Variants in AKAP6 observed in about 807,000 individuals in gnomAD.
The protein encoded by AKAP6 is A-kinase anchoring protein 6.
In AKAP6, 58 loss-of-function variants were observed where a neutral mutation model predicts 188.5. The observed-to-expected ratio is 0.31, with a 90% confidence interval of 0.25 to 0.38. The LOEUF (loss-of-function observed/expected upper bound fraction) is 0.38. AKAP6 is among the 10% of genes least tolerant of loss of function. The pLI, the probability that AKAP6 is intolerant of heterozygous loss-of-function variation, is 1.00. For missense variants in AKAP6, 2,710 were observed against 2,740.0 expected (o/e 0.99, Z 0.24); for synonymous variants, 989 against 998.6 (o/e 0.99, Z 0.18).
chr14:32,629,159 C>T (rs1887148311), intron 7 of AKAP6, among the ~76,000 whole-genome samples: 1 of 151,972 alleles, frequency 6.6e-6, no homozygotes, highest in Non-Finnish European at 1.5e-5. Flanking sequence ...TCGTCCATAC[C>T]TAAAACCCTT....
At chr14:32,525,112 T>C (rs1370609144) in intron 2 of AKAP6, among the ~76,000 whole-genome samples, 2 of 152,222 alleles carry the variant, frequency 1.3e-5, no homozygotes, top group Non-Finnish European at 2.9e-5. Flanking sequence ...CCATGATTTT[T>C]TTAGTGAATG....
intron 7 of AKAP6, among the ~76,000 whole-genome samples, chr14:32,632,726 A>C (rs1047373791): frequency 1.3e-5 from 2 of 152,084 alleles, no homozygotes; most frequent in Non-Finnish European, 2.9e-5. Flanking sequence ...AGAGACTGGG[A>C]CAGGAAAAAC....
intron 4 of AKAP6, among the ~76,000 whole-genome samples, chr14:32,574,466 G>T (rs1884634879): frequency 6.6e-6 from 1 of 152,154 alleles, no homozygotes; most frequent in Non-Finnish European, 1.5e-5. Context: ...TAGGAAACCT[G>T]ACACATTGTT....
chr14:32,661,197 T>C (rs1160817598), intron 7 of AKAP6, among the ~76,000 whole-genome samples: 3 of 151,986 alleles, frequency 2.0e-5, no homozygotes, highest in Middle Eastern at 3.2e-3. Context: ...GTGCTGCAAC[T>C]CCAGCCCTAA....
intron 2 of AKAP6, among the ~76,000 whole-genome samples, chr14:32,517,711 T>C (rs1881595786): frequency 1.3e-5 from 2 of 152,222 alleles, no homozygotes; most frequent in Non-Finnish European, 2.9e-5. Context: ...TCGAACTGGG[T>C]GGAGCCCACT....
intron 7 of AKAP6, among the ~76,000 whole-genome samples, chr14:32,656,262 G>C (rs1888450115): frequency 6.6e-6 from 1 of 151,950 alleles, no homozygotes; most frequent in South Asian, 2.1e-4. Flanking sequence ...ATCAAATTTA[G>C]TTAATTATCA....
At chr14:32,410,361 T>G (rs975570018) in intron 1 of AKAP6, among the ~76,000 whole-genome samples, 1 of 152,186 alleles carries the variant, frequency 6.6e-6, no homozygotes, top group African/African-American at 2.4e-5. Context: ...CTTAACCCAT[T>G]GTCAACCAGA....
At chr14:32,666,260 T>C (rs1888929721) in intron 7 of AKAP6, among the ~76,000 whole-genome samples, 1 of 152,126 alleles carries the variant, frequency 6.6e-6, no homozygotes, top group Non-Finnish European at 1.5e-5. Context: ...ATGTTTGTCA[T>C]TTATCAGTGG....
At chr14:32,615,590 A>ATTTTTTTT (rs1471881281) in intron 7 of AKAP6, among the ~76,000 whole-genome samples, 1 of 133,032 alleles carries the variant, frequency 7.5e-6, no homozygotes, top group African/African-American at 3.4e-5. Flanking sequence ...CTAAACCATT[A>ATTTTTTTT]CTTTTTTTTT....
intron 2 of AKAP6, among the ~76,000 whole-genome samples, chr14:32,509,475 T>C (rs1468660439): frequency 6.6e-6 from 1 of 152,198 alleles, no homozygotes; most frequent in Non-Finnish European, 1.5e-5. Flanking sequence ...TATTAGTTTT[T>C]TGTCTTATCT....
chr14:32,330,132 C>T (rs946741343), intron 1 of AKAP6, among the ~76,000 whole-genome samples: 5 of 152,034 alleles, frequency 3.3e-5, no homozygotes, highest in Non-Finnish European at 7.4e-5. Context: ...AGGAACAAGT[C>T]TCCTCTCTGC....
intron 7 of AKAP6, among the ~76,000 whole-genome samples, chr14:32,614,722 T>C (rs4981993): frequency 0.57 from 86,925 of 151,836 alleles, 25,645 homozygotes; most frequent in East Asian, 0.94. Context: ...GTGGTCCAGG[T>C]GAAGTGGACC....
intron 1 of AKAP6, among the ~76,000 whole-genome samples, chr14:32,369,642 G>A (rs1011192037): frequency 1.7e-4 from 26 of 152,168 alleles, no homozygotes; most frequent in Non-Finnish European, 3.1e-4. Context: ...TCCTCAACAG[G>A]TGAGGGAGAA....
intron 5 of AKAP6, among the ~76,000 whole-genome samples, chr14:32,588,129 A>C (rs1482678177): frequency 6.6e-6 from 1 of 152,238 alleles, no homozygotes; most frequent in African/African-American, 2.4e-5. Flanking sequence ...AAATAGTTCT[A>C]TACATTTTTG....
In AKAP6 at chr14:32,832,633, C is replaced by T. The variant is rs2034833181; in HGVS notation, c.*2828C>T. 2 of 152,204 alleles carry T rather than the reference C, an allele frequency of 1.3e-5. No homozygotes were observed. Among genetic ancestry groups the T allele is most frequent in the African/African-American group, 4.8e-5 (2 of 41,454 alleles). The allele number at this position is 152,204 out of a possible 1,614,324, so 9.4% of individuals were successfully genotyped here. ...TCACACCAACTCTGCCTACACACTT[C>T]CAGTGATAGTGGCTCATTGTCTGTT... is the stretch of plus-strand genomic sequence containing the variant. On this transcript the variant is annotated 3_prime_UTR_variant, in exon 14 of 14. Coordinates refer to ENST00000280979, the MANE Select transcript of AKAP6 (RefSeq NM_004274.5).
intron 1 of AKAP6, among the ~76,000 whole-genome samples, chr14:32,425,308 G>T (rs957705043): frequency 6.6e-6 from 1 of 152,084 alleles, no homozygotes; most frequent in African/African-American, 2.4e-5. Flanking sequence ...AAAAGTGTCT[G>T]TTCATTGGCT....
intron 1 of AKAP6, among the ~76,000 whole-genome samples, chr14:32,391,367 A>C (rs1216760284): frequency 1.3e-5 from 2 of 152,124 alleles, no homozygotes; most frequent in Non-Finnish European, 2.9e-5. Flanking sequence ...TTTATTACCA[A>C]CTGGGAAATC....
intron 12 of AKAP6, among the ~76,000 whole-genome samples, chr14:32,786,296 A>ATGTTTTTTTTTTTTTTGT: frequency 1.1e-5 from 1 of 93,706 alleles, no homozygotes; most frequent in African/African-American, 4.1e-5. Context: ...CTAAACCTTT[A>ATGTTTTTTTTTTTTTTGT]TCTTTTTTTT....
chr14:32,822,492 C>T lies in AKAP6; in HGVS notation c.4679C>T (p.Ser1560Phe). ...GGCATGCAGAATGCCAAACAGCTCTCCCTTTTATCTCATAGTTCATCTATT... is the reference window on the plus strand; with the variant it reads ...GGCATGCAGAATGCCAAACAGCTCTTCCTTTTATCTCATAGTTCATCTATT... The part of the protein sequence containing the change: ...FTGMQNAKQL[S>F]LLSHSSSIES... Residue 1560 changes from serine to phenylalanine, a missense_variant, in exon 13 of 14, where the codon TCC becomes TTC. Coordinates refer to ENST00000280979, the MANE Select transcript of AKAP6 (RefSeq NM_004274.5). The T allele has an allele frequency of 6.2e-7, 1 of 1,614,044 alleles. No homozygotes were observed. Among genetic ancestry groups the T allele is most frequent in the Non-Finnish European group, 8.5e-7 (1 of 1,179,958 alleles).
Sources: allele counts gnomAD v4.1 joint callset (sites outside exome capture counted in the v4.1 genomes callset), GRCh38; gene constraint gnomAD v4.1.1; transcripts MANE v1.5; gene names NCBI Gene and HGNC (gene_info 2026-07-23, HGNC 2026-07-21).